The following EYS variants were observed in gnomAD, a reference collection of about 807,000 sequenced individuals.
The protein encoded by EYS is protein eyes shut homolog.
In EYS, 250 loss-of-function variants were observed where a neutral mutation model predicts 282.1. That is an observed-to-expected ratio of 0.89 (90% CI 0.80 to 0.98). EYS has a LOEUF of 0.98. EYS is among the 50% of genes least tolerant of loss of function. The probability of loss-of-function intolerance (pLI) is 0.00; values close to 1 mark genes in which losing one functional copy is unlikely to be tolerated. For missense variants in EYS, 4,016 were observed against 3,709.0 expected, an observed-to-expected ratio of 1.08 and a Z score of -2.15; for synonymous variants, 1,355 against 1,282.9, an observed-to-expected ratio of 1.06 and a Z score of -1.20.
chr6:64,738,797 G>C (rs1772273293), intron 22 of EYS, among the ~76,000 whole-genome samples: 1 of 152,150 alleles, frequency 6.6e-6, no homozygotes, highest in African/African-American at 2.4e-5. Context: ...TGCCCTTGTT[G>C]CCTAGGATGG....
intron 32 of EYS, among the ~76,000 whole-genome samples, chr6:64,068,119 G>A (rs796395518): frequency 2.0e-5 from 3 of 152,224 alleles, no homozygotes; most frequent in African/African-American, 7.2e-5. Context: ...CAGCATACAA[G>A]AGTTCCAGCT....
chr6:65,197,732 A>G (rs1374546011), intron 12 of EYS, among the ~76,000 whole-genome samples: 1 of 152,088 alleles, frequency 6.6e-6, no homozygotes, highest in East Asian at 1.9e-4. Flanking sequence ...AAACATACCT[A>G]AACAGAAAAC....
intron 12 of EYS, among the ~76,000 whole-genome samples, chr6:65,076,960 G>A (rs1774072625): frequency 6.6e-6 from 1 of 151,932 alleles, no homozygotes; most frequent in African/African-American, 2.4e-5. Context: ...CTGAGAATTA[G>A]GAAATCAGAA....
intron 31 of EYS, among the ~76,000 whole-genome samples, chr6:64,214,886 T>C (rs1217702282): frequency 6.6e-6 from 1 of 152,018 alleles, no homozygotes; most frequent in African/African-American, 2.4e-5. Context: ...TAATGTTCCA[T>C]TTGATATGTA....
rs78466813 is a variant in EYS, at chr6:65,169,078, C to T, written c.2024-111351G>A. ...TATTCCTGAACATTTACTTTATGTA[C>T]TAATGTACTTGTATTGTTATGTGAC... On this transcript the variant is annotated intron_variant, in intron 12 of 42. Transcript: ENST00000503581. 3.4e-3 allele frequency among the ~76,000 whole-genome samples: 519 copies of T among 151,512 alleles called. 1 individual carries two copies. Among genetic ancestry groups the T allele is most frequent in the Non-Finnish European group, 6.5e-3 (437 of 67,618 alleles).
At chr6:63,768,533 C>T (rs1471811978) in intron 40 of EYS, among the ~76,000 whole-genome samples, 1 of 152,042 alleles carries the variant, frequency 6.6e-6, no homozygotes, top group Non-Finnish European at 1.5e-5. Context: ...GAGAAACCAA[C>T]TCACACCAAT....
chr6:65,697,537 CACAGAGAAA>C (rs1417458439), intron 1 of EYS, among the ~76,000 whole-genome samples: 1 of 151,934 alleles, frequency 6.6e-6, no homozygotes, highest in Non-Finnish European at 1.5e-5. Flanking sequence ...TATGCAGGCC[CACAGAGAAA>C]ACACAACAGC....
chr6:64,514,188 A>C (rs983271412), intron 26 of EYS, among the ~76,000 whole-genome samples: 3 of 151,658 alleles, frequency 2.0e-5, no homozygotes, highest in Admixed American at 6.6e-5. Context: ...TAATTTATGT[A>C]ATTATGATTT....
chr6:64,341,262 T>C (rs75967243), intron 29 of EYS, among the ~76,000 whole-genome samples: 2,011 of 151,888 alleles, frequency 0.013, 43 homozygotes, highest in African/African-American at 0.045. Context: ...CATATGTTCA[T>C]TGTCACAATA....
chr6:64,249,991 G>A (rs932251484), intron 30 of EYS, among the ~76,000 whole-genome samples: 2 of 152,034 alleles, frequency 1.3e-5, no homozygotes, highest in Admixed American at 1.3e-4. Context: ...ACCTAGCCTG[G>A]GGAGAAAGAA....
At chr6:64,316,790 A>T (rs1651649010) in intron 29 of EYS, among the ~76,000 whole-genome samples, 1 of 152,232 alleles carries the variant, frequency 6.6e-6, no homozygotes, top group Non-Finnish European at 1.5e-5. Flanking sequence ...AACTGGAGGC[A>T]TCATGCTACA....
At chr6:63,767,049 C>T (rs898389417) in intron 40 of EYS, among the ~76,000 whole-genome samples, 4 of 151,768 alleles carry the variant, frequency 2.6e-5, no homozygotes, top group African/African-American at 9.7e-5. Flanking sequence ...TGTTAAAAAC[C>T]CTCAACAATT....
chr6:65,279,375 A>G (rs1039461321), intron 12 of EYS, among the ~76,000 whole-genome samples: 1 of 152,070 alleles, frequency 6.6e-6, no homozygotes, highest in Non-Finnish European at 1.5e-5. Flanking sequence ...TATCAATCTA[A>G]AATAGCTTTC....
chr6:65,453,663 T>G (rs754244852), intron 5 of EYS, among the ~76,000 whole-genome samples: 1 of 152,046 alleles, frequency 6.6e-6, no homozygotes, highest in African/African-American at 2.4e-5. Context: ...CAAGCTCTCC[T>G]CAACCTCTCC....
At position 64,793,650 on chromosome 6, in the gene EYS, C is replaced by T. The variant is rs574903828; in HGVS notation, c.3443+19728G>A. ...GTTTCAAATTCAATGGCTTGAGTTT[C>T]AGGAATAAATATTCCAGTGAATATC... is the stretch of plus-strand genomic sequence containing the variant. On this transcript the variant is annotated intron_variant, in intron 22 of 42. Transcript: ENST00000503581. Among the ~76,000 whole-genome samples, 6 of 152,224 alleles carry T rather than the reference C, an allele frequency of 3.9e-5. No homozygotes were observed. In the South Asian group the frequency reaches 1.0e-3, roughly 26 times the overall value.
intron 2 of EYS, among the ~76,000 whole-genome samples, chr6:65,596,034 T>C (rs1765392781): frequency 6.6e-6 from 1 of 152,044 alleles, no homozygotes; most frequent in African/African-American, 2.4e-5. Context: ...TGAAGATGAA[T>C]TGATATCTCT....
intron 39 of EYS, among the ~76,000 whole-genome samples, chr6:63,779,796 C>A (rs1350686309): frequency 6.7e-6 from 1 of 150,040 alleles, no homozygotes; most frequent in Non-Finnish European, 1.5e-5. Flanking sequence ...ATGTGCATAC[C>A]TTGCAGGTTT....
chr6:64,646,010 C>G (rs989008120), intron 22 of EYS, among the ~76,000 whole-genome samples: 8 of 152,064 alleles, frequency 5.3e-5, no homozygotes, highest in Non-Finnish European at 7.4e-5. Flanking sequence ...TTACAGTTAA[C>G]AAGTTTGAAA....
chr6:64,247,531 C>T (rs983468254), intron 30 of EYS, among the ~76,000 whole-genome samples: 1 of 151,966 alleles, frequency 6.6e-6, no homozygotes, highest in African/African-American at 2.4e-5. Flanking sequence ...TTTACTTAAC[C>T]AAAAAGGACT....
Sources: gnomAD v4.1 joint callset for allele counts (sites outside exome capture counted in the v4.1 genomes callset) on GRCh38, gnomAD v4.1.1 for gene constraint, MANE v1.5 for transcripts, NCBI Gene and HGNC (gene_info 2026-07-23, HGNC 2026-07-21) for gene names.